CSMD1: variants seen among roughly 807,000 people sequenced by gnomAD.
CSMD1 encodes the protein CUB and sushi domain-containing protein 1.
Under a neutral mutation model 417.5 loss-of-function variants are expected in CSMD1, and 213 were observed. That is an observed-to-expected ratio of 0.51 (90% CI 0.46 to 0.57). The LOEUF (loss-of-function observed/expected upper bound fraction) is 0.57. Ranked by LOEUF, CSMD1 falls within the 20% of genes least tolerant of loss-of-function variation. The pLI, the probability that CSMD1 is intolerant of heterozygous loss-of-function variation, is 0.00. For synonymous variants in CSMD1, 2,862 were observed against 1,736.8 expected, an observed-to-expected ratio of 1.65 and a Z score of -16.11; for missense variants, 6,923 against 4,529.7, an observed-to-expected ratio of 1.53 and a Z score of -15.17.
intron 26 of CSMD1, among the ~76,000 whole-genome samples, chr8:3,238,608 G>C (rs1001546383): frequency 5.3e-5 from 8 of 151,954 alleles, no homozygotes; most frequent in African/African-American, 1.9e-4. Context: ...TGATATTGTG[G>C]GGTTGTTAGA....
At chr8:3,609,691 T>G (rs1284567572) in intron 8 of CSMD1, among the ~76,000 whole-genome samples, 1 of 151,528 alleles carries the variant, frequency 6.6e-6, no homozygotes, top group Admixed American at 6.6e-5. Context: ...CCTTGTTGGT[T>G]GTTAGTTTGG....
chr8:4,045,060 G>C lies in CSMD1; in HGVS notation c.416-12961C>G, dbSNP rs547431241. Among the ~76,000 whole-genome samples, 145 of 152,304 alleles carry C rather than the reference G, an allele frequency of 9.5e-4. 1 individual carries two copies. The highest frequency in any genetic ancestry group is 3.4e-3 in the African/African-American group (143 of 41,570). Reference sequence around the variant, plus strand: ...CAAAGCTGATTTACAGGAAAGCCTTGTGCCTGAGGTATGGTGTGGAGGCCA... The same window carrying C: ...CAAAGCTGATTTACAGGAAAGCCTTCTGCCTGAGGTATGGTGTGGAGGCCA... On this transcript the variant is annotated intron_variant, in intron 3 of 69. Transcript: ENST00000635120.
intron 3 of CSMD1, among the ~76,000 whole-genome samples, chr8:4,070,072 T>A (rs907943223): frequency 6.6e-6 from 1 of 152,156 alleles, no homozygotes; most frequent in African/African-American, 2.4e-5. Flanking sequence ...AGTGTTTTAG[T>A]GTTTGCTCTT....
intron 4 of CSMD1, among the ~76,000 whole-genome samples, chr8:4,002,354 T>C (rs1346590120): frequency 2.0e-5 from 3 of 152,172 alleles, no homozygotes; most frequent in Non-Finnish European, 4.4e-5. Context: ...GTAAGGGATT[T>C]TACTTTCTAA....
chr8:3,439,122 C>CAAAAAAAAAAAAAAAAAAAAAAAAAAAAA (rs1158997352), intron 12 of CSMD1, among the ~76,000 whole-genome samples: 2 of 2,494 alleles, frequency 8.0e-4, no homozygotes, highest in Non-Finnish European at 1.1e-3. Context: ...GACTCCATCT[C>CAAAAAAAAAAAAAAAAAAAAAAAAAAAAA]AAAAAAAAAA....
At chr8:4,664,839 G>A (rs770423195) in intron 1 of CSMD1, among the ~76,000 whole-genome samples, 2 of 151,904 alleles carry the variant, frequency 1.3e-5, no homozygotes, top group Non-Finnish European at 2.9e-5. Flanking sequence ...CATTTCAAAT[G>A]GATTACATCC....
chr8:4,426,164 C>A (rs1797541574), intron 2 of CSMD1, among the ~76,000 whole-genome samples: 1 of 151,460 alleles, frequency 6.6e-6, no homozygotes, highest in South Asian at 2.1e-4. Flanking sequence ...TATACAGAGG[C>A]TAGGTAATCA....
At chr8:4,652,377 C>T (rs1222370074) in intron 1 of CSMD1, among the ~76,000 whole-genome samples, 2 of 90,966 alleles carry the variant, frequency 2.2e-5, no homozygotes, top group African/African-American at 8.8e-5. Context: ...ATGAGACTTC[C>T]ATTCTGTTTT....
intron 2 of CSMD1, among the ~76,000 whole-genome samples, chr8:4,449,883 C>G (rs1400238784): frequency 6.6e-6 from 1 of 152,174 alleles, no homozygotes; most frequent in South Asian, 2.1e-4. Flanking sequence ...TTAGCAATCT[C>G]AACCTCCATA....
At chr8:4,166,948 G>A (rs578153337) in intron 3 of CSMD1, among the ~76,000 whole-genome samples, 1 of 152,176 alleles carries the variant, frequency 6.6e-6, no homozygotes, top group African/African-American at 2.4e-5. Flanking sequence ...TGGCCACCAT[G>A]TCAGACAGCA....
At chr8:3,340,961 T>C (rs2117599250) in intron 23 of CSMD1, among the ~76,000 whole-genome samples, 1 of 152,318 alleles carries the variant, frequency 6.6e-6, no homozygotes, top group Admixed American at 6.5e-5. Context: ...TATTTCTTTC[T>C]CCTATTTATA....
At chr8:4,095,459 T>A (rs1317712266) in intron 3 of CSMD1, among the ~76,000 whole-genome samples, 1 of 152,170 alleles carries the variant, frequency 6.6e-6, no homozygotes, top group Non-Finnish European at 1.5e-5. Flanking sequence ...AATTTGAGCA[T>A]TTTGTATTTT....
At chr8:4,122,251 T>G (rs1026488881) in intron 3 of CSMD1, among the ~76,000 whole-genome samples, 1 of 152,164 alleles carries the variant, frequency 6.6e-6, no homozygotes, top group East Asian at 1.9e-4. Flanking sequence ...TTGGTTTGAC[T>G]TCGTACATTT....
chr8:4,698,831 G>C (rs553555105), intron 1 of CSMD1, among the ~76,000 whole-genome samples: 1 of 150,724 alleles, frequency 6.6e-6, no homozygotes, highest in Non-Finnish European at 1.5e-5. Context: ...TTTCAACCAG[G>C]AAAATCCTAA....
intron 23 of CSMD1, among the ~76,000 whole-genome samples, chr8:3,308,731 A>AATTTTTTTTTTTTTTTTTT (rs750152499): frequency 2.6e-5 from 2 of 75,828 alleles, no homozygotes; most frequent in Non-Finnish European, 5.0e-5. Flanking sequence ...CCTACTTACA[A>AATTTTTTTTTTTTTTTTTT]GTTTTTTTTT....
intron 12 of CSMD1, among the ~76,000 whole-genome samples, chr8:3,425,344 C>G (rs572722440): frequency 6.6e-6 from 1 of 151,460 alleles, no homozygotes; most frequent in Non-Finnish European, 1.5e-5. Context: ...AATCCCAGCA[C>G]TTTGGGAGGC....
intron 55 of CSMD1, among the ~76,000 whole-genome samples, chr8:2,977,806 C>G (rs182174341): frequency 6.6e-6 from 1 of 152,082 alleles, no homozygotes; most frequent in East Asian, 1.9e-4. Context: ...ATTTATGTGG[C>G]CAATAAACAT....
rs527546471 is a variant in CSMD1, at chr8:4,937,663, C to A, written c.85+56669G>T. On this transcript the variant is annotated intron_variant, in intron 1 of 69. Transcript: ENST00000635120. Reference sequence around the variant, plus strand: ...AAATAAAAGCACATGAATTATTTCACCTCATTTAAAATAGAGCAGTGGTTT... The same window carrying A: ...AAATAAAAGCACATGAATTATTTCAACTCATTTAAAATAGAGCAGTGGTTT... Among the ~76,000 whole-genome samples the A allele has an allele frequency of 1.1e-4, 17 of 152,226 alleles. No homozygotes were observed. In the South Asian group the frequency reaches 3.1e-3, roughly 28 times the overall value.
Position 3,514,448 on chromosome 8 carries a change from C to A in CSMD1, c.1345-20722G>T, listed in dbSNP as rs148016895. ...AAATGTGGTGTTATCCCCATCTGCT[C>A]ACGGGTCATCCCCACTGAAGAACCC... On this transcript the variant is annotated intron_variant, in intron 10 of 69. Transcript: ENST00000635120. Among the ~76,000 whole-genome samples the A allele has an allele frequency of 7.6e-4, 115 of 152,260 alleles. 2 individuals carry two copies. The East Asian group carries it at 0.021, about 27-fold the overall frequency.
Sources: allele counts gnomAD v4.1 joint callset (sites outside exome capture counted in the v4.1 genomes callset), GRCh38; gene constraint gnomAD v4.1.1; transcripts MANE v1.5; gene names NCBI Gene and HGNC (gene_info 2026-07-23, HGNC 2026-07-21).